The following CDH20 variants were observed in gnomAD, a reference collection of about 807,000 sequenced individuals.
CDH20 encodes the protein cadherin-20.
In CDH20, 29 loss-of-function variants were observed where a neutral mutation model predicts 74.2. That is an observed-to-expected ratio of 0.39 (90% confidence interval 0.29 to 0.53). The LOEUF is 0.53. Among genes scored for constraint, CDH20 ranks in the 20% least tolerant of loss-of-function variants. The probability of loss-of-function intolerance (pLI) is 0.69; values close to 1 mark genes in which losing one functional copy is unlikely to be tolerated. For synonymous variants in CDH20, 469 were observed against 405.4 expected, an observed-to-expected ratio of 1.16 and a Z score of -1.88; for missense variants, 988 against 1,048.3, an observed-to-expected ratio of 0.94 and a Z score of 0.79.
intron 1 of CDH20, among the ~76,000 whole-genome samples, chr18:61,483,050 T>G (rs576037990): frequency 6.6e-6 from 1 of 152,336 alleles, no homozygotes; most frequent in East Asian, 1.9e-4. Flanking sequence ...TAACTGGGAA[T>G]GCCCTTTTAT....
chr18:61,472,196 T>C (rs1910205741), intron 1 of CDH20, among the ~76,000 whole-genome samples: 1 of 152,088 alleles, frequency 6.6e-6, no homozygotes, highest in Admixed American at 6.6e-5. Flanking sequence ...CATTTGCTGC[T>C]AATCACCTAA....
chr18:61,394,977 C>A (rs977876253), intron 1 of CDH20, among the ~76,000 whole-genome samples: 1 of 152,050 alleles, frequency 6.6e-6, no homozygotes, highest in Admixed American at 6.5e-5. Context: ...CTAGAAGAAA[C>A]CACTGTCTAG....
At chr18:61,516,429 G>A (rs2144349175) in intron 6 of CDH20, among the ~76,000 whole-genome samples, 1 of 152,268 alleles carries the variant, frequency 6.6e-6, no homozygotes, top group East Asian at 1.9e-4. Flanking sequence ...AGCTATAAAG[G>A]AAGTATAATA....
At chr18:61,355,412 C>T (rs1910465882) in intron 1 of CDH20, among the ~76,000 whole-genome samples, 1 of 152,184 alleles carries the variant, frequency 6.6e-6, no homozygotes, top group African/African-American at 2.4e-5. Flanking sequence ...GAATATCTGC[C>T]TGTACATGAG....
At chr18:61,402,967 A>G (rs2038595695) in intron 1 of CDH20, among the ~76,000 whole-genome samples, 2 of 152,190 alleles carry the variant, frequency 1.3e-5, no homozygotes, top group African/African-American at 4.8e-5. Context: ...TGAAATAAAT[A>G]TTTCTCCTCA....
At chr18:61,444,296 A>G (rs916592175) in intron 1 of CDH20, among the ~76,000 whole-genome samples, 1 of 152,178 alleles carries the variant, frequency 6.6e-6, no homozygotes, top group Non-Finnish European at 1.5e-5. Context: ...GTATGGGTAT[A>G]TAAGACAGGT....
intron 1 of CDH20, among the ~76,000 whole-genome samples, chr18:61,394,959 G>A (rs541003986): frequency 1.3e-5 from 2 of 151,988 alleles, no homozygotes; most frequent in Non-Finnish European, 2.9e-5. Flanking sequence ...AGAGGAACCT[G>A]TGTTCCCCTA....
chr18:61,425,604 A>G lies in CDH20; in HGVS notation c.-152-64798A>G, dbSNP rs191091652. On this transcript the variant is annotated intron_variant, in intron 1 of 11. Transcript: ENST00000262717. ...TTATTCTAAGTGAAGTAACTCAGGA[A>G]TGGAAAACCAAATATTGTATGTTCT... Among the ~76,000 whole-genome samples the G allele has an allele frequency of 3.3e-4, 51 of 152,326 alleles. No individual in the cohort carries two copies. The East Asian group carries it at 9.1e-3, about 27-fold the overall frequency.
At chr18:61,403,985 A>G (rs180981796) in intron 1 of CDH20, among the ~76,000 whole-genome samples, 32 of 152,340 alleles carry the variant, frequency 2.1e-4, no homozygotes, top group African/African-American at 7.7e-4. Context: ...GTGGGAACAG[A>G]AAACCAAACA....
chr18:61,525,047 A>G (rs1912342051), intron 6 of CDH20, among the ~76,000 whole-genome samples: 1 of 152,016 alleles, frequency 6.6e-6, no homozygotes. Context: ...ACATTCTTGC[A>G]ATAGAGACAG....
chr18:61,531,485 T>A (rs1912637323), intron 7 of CDH20, among the ~76,000 whole-genome samples: 1 of 152,170 alleles, frequency 6.6e-6, no homozygotes, highest in Non-Finnish European at 1.5e-5. Context: ...GGTGTTTTTT[T>A]ATTTTATATT....
intron 1 of CDH20, among the ~76,000 whole-genome samples, chr18:61,411,044 C>T (rs1305577293): frequency 1.3e-5 from 2 of 151,792 alleles, no homozygotes; most frequent in African/African-American, 2.4e-5. Flanking sequence ...ACTAAAAATA[C>T]AAAAAATTAG....
chr18:61,396,805 A>C (rs960673377), intron 1 of CDH20, among the ~76,000 whole-genome samples: 12 of 152,224 alleles, frequency 7.9e-5, no homozygotes, highest in African/African-American at 2.9e-4. Flanking sequence ...AGCAAACAGC[A>C]ACTCTGCTTT....
intron 1 of CDH20, among the ~76,000 whole-genome samples, chr18:61,343,940 C>G (rs541881031): frequency 6.6e-6 from 1 of 152,128 alleles, no homozygotes; most frequent in African/African-American, 2.4e-5. Context: ...AGTGAGTTCC[C>G]AGCAGCCAGA....
intron 1 of CDH20, among the ~76,000 whole-genome samples, chr18:61,379,607 A>G (rs1005047556): frequency 6.6e-6 from 1 of 152,226 alleles, no homozygotes; most frequent in African/African-American, 2.4e-5. Context: ...GATAGTTCCC[A>G]GTATGAATCC....
Position 61,528,011 on chromosome 18 carries a change from G to A in CDH20, c.1062G>A (p.Glu354=). 1.2e-6 allele frequency: 2 copies of A among 1,614,078 alleles called. No individual in the cohort carries two copies. Among genetic ancestry groups the A allele is most frequent in the Non-Finnish European group, 1.7e-6 (2 of 1,179,968 alleles). Residue 354 remains glutamate, a synonymous_variant, in exon 7 of 12, where the codon GAG becomes GAA. Transcript: ENST00000262717. ...AGAAAAGCTACACCTTAAAGGTGGAGGGAGCCAATCCTCACCTAGAGATGC... is the reference window on the plus strand; with the variant it reads ...AGAAAAGCTACACCTTAAAGGTGGAAGGAGCCAATCCTCACCTAGAGATGC... ...ESKKSYTLKV[E]GANPHLEMRF... is the part of the protein sequence containing the mutation.
At chr18:61,482,460 C>T (rs1421723500) in intron 1 of CDH20, among the ~76,000 whole-genome samples, 1 of 152,124 alleles carries the variant, frequency 6.6e-6, no homozygotes, top group Non-Finnish European at 1.5e-5. Flanking sequence ...GCCAATCCTT[C>T]CCTCCCCTGG....
chr18:61,446,345 A>T (rs193119844), intron 1 of CDH20, among the ~76,000 whole-genome samples: 74 of 151,970 alleles, frequency 4.9e-4, no homozygotes, highest in Non-Finnish European at 6.6e-4. Context: ...CAAGATTTTC[A>T]CTCTGGAGCT....
chr18:61,461,018 G>A (rs533571557), intron 1 of CDH20, among the ~76,000 whole-genome samples: 8 of 151,950 alleles, frequency 5.3e-5, no homozygotes, highest in African/African-American at 1.2e-4. Context: ...GTTCACTAAC[G>A]GTAATACATT....
Sources: allele counts gnomAD v4.1 joint callset (sites outside exome capture counted in the v4.1 genomes callset), GRCh38; gene constraint gnomAD v4.1.1; transcripts MANE v1.5; gene names NCBI Gene and HGNC (gene_info 2026-07-23, HGNC 2026-07-21).